The following PRKD3 variants were observed in gnomAD, a reference collection of about 807,000 sequenced individuals.
PRKD3 encodes the protein protein kinase D3, also known as serine/threonine-protein kinase D3.
A neutral mutation model predicts 99.2 loss-of-function variants in PRKD3; 47 were observed. The observed-to-expected ratio is 0.47, with a 90% CI of 0.38 to 0.60. The LOEUF is 0.60. Among genes scored for constraint, PRKD3 ranks in the 20% least tolerant of loss-of-function variants. The pLI is 0.00. For synonymous variants in PRKD3, 392 were observed against 355.4 expected (o/e 1.10, Z -1.16); for missense variants, 1,019 against 1,088.4 (o/e 0.94, Z 0.90).
intron 14 of PRKD3, among the ~76,000 whole-genome samples, chr2:37,262,116 C>A (rs1053753667): frequency 1.3e-5 from 2 of 151,846 alleles, no homozygotes; most frequent in Non-Finnish European, 2.9e-5. Context: ...GAGATATGAC[C>A]CCGTCGCAAA....
chr2:37,301,956 C>G (rs1279602773), intron 2 of PRKD3, among the ~76,000 whole-genome samples: 1 of 152,150 alleles, frequency 6.6e-6, no homozygotes, highest in Non-Finnish European at 1.5e-5. Context: ...GGGTAGAGCA[C>G]TGTAGAACAC....
chr2:37,251,257 A>G lies in PRKD3; in HGVS notation c.*1920T>C, dbSNP rs1667466070. On this transcript the variant is annotated 3_prime_UTR_variant, in exon 19 of 19. Coordinates refer to ENST00000234179, the MANE Select transcript of PRKD3 (RefSeq NM_005813.6). ...TCTTTGAAGCTTCTATAGAAGGACA[A>G]ATTACCAAGAGGGGAATGTTTCCTG... 6.6e-6 allele frequency: 1 copy of G among 152,614 alleles called. No individual in the cohort carries two copies. The highest frequency in any genetic ancestry group is 3.2e-3 in the Middle Eastern group (1 of 316). 9.5% of individuals were successfully genotyped at this position (152,614 alleles called of 1,614,324 possible).
chr2:37,279,548 C>A (rs189066906), intron 8 of PRKD3, among the ~76,000 whole-genome samples, 198 bp downstream of exon 8: 129 of 151,752 alleles, frequency 8.5e-4, no homozygotes, highest in African/African-American at 2.9e-3. Flanking sequence ...GATTCTCATA[C>A]CTCCCCATCT....
chr2:37,290,121 ATTGACCCTCCACCTT>A (rs1450493832), intron 4 of PRKD3, among the ~76,000 whole-genome samples: 1 of 152,184 alleles, frequency 6.6e-6, no homozygotes, highest in Non-Finnish European at 1.5e-5. Context: ...GAAAAAGTTG[ATTGACCCTCCACCTT>A]AGAAGACTGT....
At chr2:37,265,209 C>G (rs1417600255) in intron 14 of PRKD3, among the ~76,000 whole-genome samples, 1 of 152,060 alleles carries the variant, frequency 6.6e-6, no homozygotes, top group Admixed American at 6.6e-5. Context: ...AAAGATGATA[C>G]AGTTGGATGG....
chr2:37,285,822 TTACTACTAACTCC>T, intron 6 of PRKD3, among the ~76,000 whole-genome samples: 1 of 152,250 alleles, frequency 6.6e-6, no homozygotes, highest in African/African-American at 2.4e-5. Flanking sequence ...ATGACTCCTA[TTACTACTAACTCC>T]TATTACTAGT....
At position 37,257,247 on chromosome 2, in the gene PRKD3, A is replaced by C. The variant is rs186711503; in HGVS notation, c.2146-318T>G. ...TATGAAATAGAGTATGCTGCTTTCT[A>C]TCATTTGTCTTGTAAGATCACTCTT... is the stretch of plus-strand genomic sequence containing the variant. On this transcript the variant is annotated intron_variant, in intron 16 of 18. Transcript: ENST00000234179. 3.9e-4 allele frequency among the ~76,000 whole-genome samples: 60 copies of C among 152,254 alleles called. 1 individual carries two copies. The South Asian group carries it at 0.012, about 29-fold the overall frequency.
chr2:37,294,624 C>A (rs972876298), intron 2 of PRKD3, among the ~76,000 whole-genome samples: 1 of 151,944 alleles, frequency 6.6e-6, no homozygotes, highest in Non-Finnish European at 1.5e-5. Flanking sequence ...TAAAAAGATA[C>A]AAGTAAAAAT....
intron 17 of PRKD3, among the ~76,000 whole-genome samples, chr2:37,255,310 A>G (rs1477981159): frequency 5.0e-5 from 5 of 99,070 alleles, no homozygotes; most frequent in South Asian, 2.9e-4. Flanking sequence ...GTACTTTTGG[A>G]AAAACAAAAA....
Position 37,316,272 on chromosome 2 carries a change from C to T in PRKD3, c.253G>A (p.Val85Ile), listed in dbSNP as rs555891910. The change falls in exon 2 of 19, where the codon GTC (valine) becomes ATC (isoleucine). Residue 85 changes from valine (V) to isoleucine (I), a missense_variant. By Grantham distance (29) the Val-to-Ile change is conservative. Around this residue, in one of 3 missense-constraint regions of PRKD3, gnomAD observed 710 missense variants for 692.7 expected, o/e 1.02. Coordinates refer to ENST00000234179, the MANE Select transcript of PRKD3 (RefSeq NM_005813.6). ...IEAQELSLSAVKDLVCSIVYQ... is the reference protein window; with the variant it reads ...IEAQELSLSAIKDLVCSIVYQ... ...ACTATGGAGCACACAAGATCCTTGA[C>T]AGCAGATAAAGACAGTTCCTGGGCT... The T allele has an allele frequency of 7.4e-6, 12 of 1,614,190 alleles. No individual in the cohort carries two copies. In the East Asian group the frequency reaches 2.2e-4, roughly 30 times the overall value.
chr2:37,252,453 T>C lies in PRKD3; in HGVS notation c.*724A>G, dbSNP rs1403504249. 6.6e-6 allele frequency: 1 copy of C among 152,180 alleles called. No individual in the cohort carries two copies. The highest frequency in any genetic ancestry group is 2.4e-5 in the African/African-American group (1 of 41,442). The allele number at this position is 152,180 out of a possible 1,614,324, so 9.4% of individuals were successfully genotyped here. The stretch of plus-strand genomic sequence containing the variant: ...AGTACTCTTCCTTTTGTAACATCAT[T>C]TGTCCCTAATTATCTTAGAAGCTGT... On this transcript the variant is annotated 3_prime_UTR_variant, in exon 19 of 19. Transcript: ENST00000234179.
At chr2:37,262,951 C>G (rs1179126817) in intron 14 of PRKD3, among the ~76,000 whole-genome samples, 1 of 147,250 alleles carries the variant, frequency 6.8e-6, no homozygotes, top group Non-Finnish European at 1.5e-5. Flanking sequence ...TTCTTCTTTG[C>G]TTAGGATGGC....
chr2:37,253,428 TTTG>T (rs1667675330), intron 18 of PRKD3, 78 bp from the exon 19 acceptor site: 4 of 1,312,020 alleles, frequency 3.0e-6, no homozygotes, highest in South Asian at 1.5e-5. Flanking sequence ...TGTGTTTTTT[TTTG>T]TTGTTGTTTA....
intron 8 of PRKD3, 50 bp from the exon 9 acceptor site, chr2:37,278,039 TATA>T (rs1284716280): frequency 6.7e-7 from 1 of 1,503,470 alleles, no homozygotes; most frequent in Non-Finnish European, 9.1e-7. Context: ...TAAAAAATCA[TATA>T]AATACTGTAG....
At chr2:37,300,915 G>A (rs1322546991) in intron 2 of PRKD3, among the ~76,000 whole-genome samples, 1 of 152,174 alleles carries the variant, frequency 6.6e-6, no homozygotes, top group Non-Finnish European at 1.5e-5. Context: ...ACTTCTGCAA[G>A]TAATATATTG....
At chr2:37,257,200 T>C (rs1668020530) in intron 16 of PRKD3, among the ~76,000 whole-genome samples, 3 of 152,130 alleles carry the variant, frequency 2.0e-5, no homozygotes, top group Non-Finnish European at 4.4e-5. Context: ...ACCAGACTGG[T>C]GTTATAAGTG....
intron 1 of PRKD3, among the ~76,000 whole-genome samples, chr2:37,319,730 TCAA>T (rs1671798474): frequency 6.6e-6 from 1 of 150,642 alleles, no homozygotes; most frequent in South Asian, 2.1e-4. Flanking sequence ...ATATCTATGG[TCAA>T]CATTTTTAGA....
At chr2:37,261,634 G>C (rs538837927) in intron 14 of PRKD3, among the ~76,000 whole-genome samples, 2 of 150,238 alleles carry the variant, frequency 1.3e-5, no homozygotes, top group African/African-American at 5.0e-5. Flanking sequence ...TACAAAATTA[G>C]CCGGGTGTGG....
intron 1 of PRKD3, among the ~76,000 whole-genome samples, chr2:37,321,203 TATC>T (rs1427013557): frequency 6.6e-6 from 1 of 152,208 alleles, no homozygotes; most frequent in Admixed American, 6.5e-5. Context: ...CTCTAAATAA[TATC>T]ATCTAGTTGG....
Sources: allele counts gnomAD v4.1 joint callset (sites outside exome capture counted in the v4.1 genomes callset), GRCh38; gene constraint gnomAD v4.1.1; regional missense constraint gnomAD v4.1.1; transcripts MANE v1.5; gene names NCBI Gene and HGNC (gene_info 2026-07-23, HGNC 2026-07-21).